The following ESR1 variants were observed in gnomAD, a reference collection of about 807,000 sequenced individuals.
The protein encoded by ESR1 is estrogen receptor 1, also known as estrogen receptor.
In ESR1, 12 loss-of-function variants were observed where a neutral mutation model predicts 52.7. That is an observed-to-expected ratio of 0.23 (90% CI 0.15 to 0.37). ESR1 has a LOEUF of 0.37. ESR1 is among the 10% of genes least tolerant of loss of function. ESR1 has a pLI of 1.00. For missense variants in ESR1, 584 were observed against 779.7 expected, an observed-to-expected ratio of 0.75 and a Z score of 2.99; for synonymous variants, 305 against 316.8, an observed-to-expected ratio of 0.96 and a Z score of 0.39.
At chr6:151,914,939 T>TG in intron 3 of ESR1, among the ~76,000 whole-genome samples, 1 of 152,352 alleles carries the variant, frequency 6.6e-6, no homozygotes, top group Middle Eastern at 3.4e-3. Context: ...ATAGTTAACT[T>TG]GCCTTTCACT....
upstream of ESR1, among the ~76,000 whole-genome samples, chr6:151,800,791 C>T (rs559625961): frequency 6.6e-6 from 1 of 152,230 alleles, no homozygotes; most frequent in East Asian, 1.9e-4. Flanking sequence ...CATTCACTGG[C>T]ATGCTTATAA....
intron 6 of ESR1, among the ~76,000 whole-genome samples, chr6:152,074,266 C>A (rs1315103147): frequency 6.6e-6 from 1 of 152,228 alleles, no homozygotes; most frequent in African/African-American, 2.4e-5. Context: ...CCACCCCATT[C>A]CTGGCAACTA....
At chr6:151,891,373 T>C (rs7761846) in intron 3 of ESR1, among the ~76,000 whole-genome samples, 23,761 of 152,170 alleles carry the variant, frequency 0.16, 2,744 homozygotes, top group African/African-American at 0.31. Context: ...TGATATGATG[T>C]AAGGACTTTT....
intron 1 of ESR1, among the ~76,000 whole-genome samples, chr6:151,818,806 T>TACACACAC (rs5880941): frequency 4.0e-5 from 6 of 149,170 alleles, no homozygotes; most frequent in African/African-American, 1.2e-4. Context: ...TATACACATA[T>TACACACAC]ATACACACAC....
intron 3 of ESR1, among the ~76,000 whole-genome samples, chr6:151,933,263 G>C (rs377476609): frequency 6.7e-6 from 1 of 148,560 alleles, no homozygotes; most frequent in Non-Finnish European, 1.5e-5. Context: ...TTTGTCTGTT[G>C]TTGGTGTATA....
At chr6:151,789,582 C>T (rs1196257964) in intron 2 of ESR1, among the ~76,000 whole-genome samples, 7 of 152,048 alleles carry the variant, frequency 4.6e-5, no homozygotes, top group African/African-American at 1.4e-4. Context: ...AAAGCAGGAC[C>T]CATGGAGTAT....
intron 3 of ESR1, among the ~76,000 whole-genome samples, chr6:151,938,294 A>G (rs1202039090): frequency 1.3e-5 from 2 of 152,222 alleles, no homozygotes; most frequent in African/African-American, 4.8e-5. Context: ...AGCATAATCC[A>G]ATGAATTCTA....
In ESR1 at chr6:152,095,045, A is replaced by G. The variant is rs9341050; in HGVS notation, c.1553+477A>G. 2.7e-4 allele frequency among the ~76,000 whole-genome samples: 41 copies of G among 152,188 alleles called. No homozygotes were observed. The East Asian group carries it at 5.4e-3, about 20-fold the overall frequency. Reference sequence around the variant, plus strand: ...ACCCCTTCTTGTCACCCCCATTGCCATTACCCTAGTCTAAGCCACCATCAT... The same window carrying G: ...ACCCCTTCTTGTCACCCCCATTGCCGTTACCCTAGTCTAAGCCACCATCAT... On this transcript the variant is annotated intron_variant, in intron 7 of 7. Transcript: ENST00000206249.
chr6:152,089,585 C>T (rs2152485461), intron 6 of ESR1, among the ~76,000 whole-genome samples: 1 of 152,302 alleles, frequency 6.6e-6, no homozygotes, highest in East Asian at 1.9e-4. Context: ...AAACTTTTCA[C>T]TACTTTTTTT....
chr6:151,875,404 G>C (rs1040463444), intron 2 of ESR1, among the ~76,000 whole-genome samples: 2 of 152,154 alleles, frequency 1.3e-5, no homozygotes, highest in Non-Finnish European at 2.9e-5. Context: ...AATGAAGTTG[G>C]GGGTGAGGGG....
intron 4 of ESR1, among the ~76,000 whole-genome samples, chr6:151,976,514 T>A (rs9397461): frequency 6.6e-6 from 1 of 152,188 alleles, no homozygotes; most frequent in African/African-American, 2.4e-5. Flanking sequence ...TTTTAGAGGT[T>A]CTATGTGTCT....
Position 152,099,608 on chromosome 6 carries a change from T to C in ESR1, c.*642T>C, listed in dbSNP as rs1169092384. The C allele has an allele frequency of 2.9e-5, 7 of 244,466 alleles. No homozygotes were observed. The highest frequency in any genetic ancestry group is 7.9e-6 in the Non-Finnish European group (1 of 125,828). 15.1% of individuals were successfully genotyped at this position (244,466 alleles called of 1,614,324 possible). On this transcript the variant is annotated 3_prime_UTR_variant, in exon 8 of 8. Transcript: ENST00000206249. ...CAGATCCCCTAGTTGGCAAGACTAT[T>C]TTAACTTGATACACTGCAGATTCAG...
At chr6:151,662,420 G>T (rs1263606077) in intron 1 of ESR1, among the ~76,000 whole-genome samples, 1 of 152,128 alleles carries the variant, frequency 6.6e-6, no homozygotes, top group Non-Finnish European at 1.5e-5. Flanking sequence ...CATTATTAAA[G>T]GGGGAGGAAA....
intron 2 of ESR1, among the ~76,000 whole-genome samples, chr6:151,762,592 A>T (rs1325549061): frequency 6.6e-6 from 1 of 152,206 alleles, no homozygotes; most frequent in Non-Finnish European, 1.5e-5. Flanking sequence ...TACTTCATAG[A>T]GCTTTGAGAA....
At chr6:151,845,933 T>A (rs946058964) in intron 2 of ESR1, among the ~76,000 whole-genome samples, 1 of 152,192 alleles carries the variant, frequency 6.6e-6, no homozygotes, top group African/African-American at 2.4e-5. Context: ...ACCTGGTCCC[T>A]ACCCTCACAG....
At chr6:151,842,572 G>A (rs2128234003) in intron 1 of ESR1, 25 bp from the exon 2 acceptor site, 1 of 1,606,798 alleles carries the variant, frequency 6.2e-7, no homozygotes, top group Non-Finnish European at 8.5e-7. Context: ...TAATGTTAAT[G>A]GATTTACTGT....
chr6:151,712,164 C>T (rs1239584848), intron 2 of ESR1, among the ~76,000 whole-genome samples: 6 of 151,888 alleles, frequency 4.0e-5, no homozygotes. Context: ...AGATGTGTGG[C>T]GTTATTTCTG....
chr6:152,068,562 C>T (rs1054008352), intron 6 of ESR1, among the ~76,000 whole-genome samples: 18 of 152,030 alleles, frequency 1.2e-4, no homozygotes, highest in Admixed American at 7.9e-4. Flanking sequence ...AATTTGTGAC[C>T]GGGATTTAGA....
intron 2 of ESR1, among the ~76,000 whole-genome samples, chr6:151,791,390 T>C (rs116060237): frequency 0.022 from 3,409 of 152,296 alleles, 128 homozygotes; most frequent in African/African-American, 0.078. Flanking sequence ...CCTGCCGCCA[T>C]GTAAGAAGCG....
Sources: gnomAD v4.1 joint callset for allele counts (sites outside exome capture counted in the v4.1 genomes callset) on GRCh38, gnomAD v4.1.1 for gene constraint, MANE v1.5 for transcripts, NCBI Gene and HGNC (gene_info 2026-07-23, HGNC 2026-07-21) for gene names.